Variants in RUNDC3B observed in about 807,000 individuals in gnomAD.
RUNDC3B encodes RUN domain-containing protein 3B.
In RUNDC3B, 33 loss-of-function variants were observed where a neutral mutation model predicts 58.4. That is an observed-to-expected ratio of 0.56 (90% CI 0.43 to 0.75). The LOEUF (loss-of-function observed/expected upper bound fraction) is 0.75, where lower values mean the gene tolerates loss of function less well. Ranked by LOEUF, RUNDC3B falls within the 30% of genes least tolerant of loss-of-function variation. The pLI, the probability that RUNDC3B is intolerant of heterozygous loss-of-function variation, is 0.00. For missense variants in RUNDC3B, 501 were observed against 535.7 expected (o/e 0.94, Z 0.64); for synonymous variants, 193 against 195.2 (o/e 0.99, Z 0.10).
chr7:87,823,468 A>C (rs1328585267), intron 10 of RUNDC3B, among the ~76,000 whole-genome samples: 1 of 151,818 alleles, frequency 6.6e-6, no homozygotes, highest in Non-Finnish European at 1.5e-5. Context: ...ATGTTTGGTT[A>C]CATGAGTAAG....
At chr7:87,783,329 C>T (rs1419722274) in intron 8 of RUNDC3B, among the ~76,000 whole-genome samples, 1 of 152,056 alleles carries the variant, frequency 6.6e-6, no homozygotes, top group Non-Finnish European at 1.5e-5. Flanking sequence ...GGACCCCCTG[C>T]TCTTTTTTGT....
At chr7:87,813,967 C>G (rs1248998479) in intron 9 of RUNDC3B, among the ~76,000 whole-genome samples, 1 of 146,752 alleles carries the variant, frequency 6.8e-6, no homozygotes, top group Non-Finnish European at 1.5e-5. Context: ...GGCGACAGAG[C>G]GAGACTCCGT....
rs138563219 is a variant in RUNDC3B, at chr7:87,807,867, A to G, written c.1103+348A>G. Among the ~76,000 whole-genome samples, 1,432 of 152,238 alleles carry G rather than the reference A, an allele frequency of 9.4e-3. 16 individuals carry two copies. Among genetic ancestry groups the G allele is most frequent in the East Asian group, 0.025 (131 of 5,178 alleles). On this transcript the variant is annotated intron_variant, in intron 9 of 10. Transcript: ENST00000394654. ...ACACAATTTGAAGGAATAGAAAGAT[A>G]TTTACTTGTTCCTGGTGGTTCTGAA...
Position 87,807,408 on chromosome 7 carries a change from A to G in RUNDC3B, c.992A>G (p.Gln331Arg), listed in dbSNP as rs1296822519. Reference sequence around the variant, plus strand: ...AAGAATAATGATTTAAGATCGAGACAAGAGTTAACTGCCCATCTCACCAAC... The same window carrying G: ...AAGAATAATGATTTAAGATCGAGACGAGAGTTAACTGCCCATCTCACCAAC... The part of the protein sequence containing the change: ...VLKNNDLRSR[Q>R]ELTAHLTNQW... The change falls in exon 9 of 11, where the codon CAA becomes CGA. Residue 331 changes from glutamine (Q) to arginine (R), a missense_variant. Gln to Arg is a conservative substitution (Grantham distance 43). Transcript: ENST00000394654. The G allele has an allele frequency of 3.1e-6, 5 of 1,613,658 alleles. No homozygotes were observed. The highest frequency in any genetic ancestry group is 4.5e-5 in the East Asian group (2 of 44,876).
intron 4 of RUNDC3B, among the ~76,000 whole-genome samples, chr7:87,729,656 A>T (rs745636686): frequency 2.0e-5 from 3 of 152,150 alleles, no homozygotes; most frequent in Non-Finnish European, 4.4e-5. Context: ...GGCCAAAGAG[A>T]CTTCAATTCC....
intron 8 of RUNDC3B, among the ~76,000 whole-genome samples, chr7:87,800,350 T>C (rs899908769): frequency 1.3e-5 from 2 of 152,222 alleles, no homozygotes; most frequent in Non-Finnish European, 2.9e-5. Context: ...TATGGATTTC[T>C]AGATCTTTTA....
In RUNDC3B at chr7:87,722,958, G is replaced by A. The variant is rs552185772; in HGVS notation, c.458+12303G>A. 8.5e-5 allele frequency among the ~76,000 whole-genome samples: 13 copies of A among 152,204 alleles called. No individual in the cohort carries two copies. In the East Asian group the frequency reaches 2.5e-3, roughly 29 times the overall value. On this transcript the variant is annotated intron_variant, in intron 4 of 10. Transcript: ENST00000394654. ...CAAACAAACGCATCTTACACTGCAA[G>A]CTTTTCTCAAGAACGTGAAGTTGTA...
chr7:87,700,335 T>C (rs2130691715), intron 2 of RUNDC3B, 86 bp from the exon 3 acceptor site: 2 of 1,201,374 alleles, frequency 1.7e-6, no homozygotes, highest in East Asian at 2.6e-5. Context: ...ATTACCTTTA[T>C]TTTTCAGAAT....
At chr7:87,655,823 T>C (rs1003008979) in intron 2 of RUNDC3B, among the ~76,000 whole-genome samples, 1 of 152,118 alleles carries the variant, frequency 6.6e-6, no homozygotes, top group African/African-American at 2.4e-5. Flanking sequence ...GTGGGGCTTT[T>C]TGGGAGGTGT....
At position 87,777,864 on chromosome 7, in the gene RUNDC3B, A is replaced by T. The variant is rs541897122; in HGVS notation, c.865A>T (p.Ile289Leu). 47 of 1,613,564 alleles carry T rather than the reference A, an allele frequency of 2.9e-5. No homozygotes were observed. The East Asian group carries it at 9.8e-4, about 34-fold the overall frequency. Residue 289 changes from isoleucine to leucine, a missense_variant, in exon 8 of 11, where the codon ATA becomes TTA. By Grantham distance (5) the Ile-to-Leu change is conservative (BLOSUM62 2). Coordinates refer to ENST00000394654, the MANE Select transcript of RUNDC3B (RefSeq NM_001134405.2). Reference sequence around the variant, plus strand: ...ATCTGAATCTGTCTCCCAGAATAAAATACTACTTCAAAGGATTGAAGATTC... The same window carrying T: ...ATCTGAATCTGTCTCCCAGAATAAATTACTACTTCAAAGGATTGAAGATTC... ...QLSESVSQNKILLQRIEDSDL... is the reference protein window; with the variant it reads ...QLSESVSQNKLLLQRIEDSDL...
At chr7:87,676,703 C>CA (rs57480483) in intron 2 of RUNDC3B, among the ~76,000 whole-genome samples, 1,633 of 45,252 alleles carry the variant, frequency 0.036, 90 homozygotes, top group African/African-American at 0.057. Context: ...GACCCTGTCT[C>CA]AAAAAAAAAA....
At chr7:87,650,146 T>C (rs1823436075) in intron 1 of RUNDC3B, among the ~76,000 whole-genome samples, 1 of 151,886 alleles carries the variant, frequency 6.6e-6, no homozygotes, top group Admixed American at 6.6e-5. Context: ...AGCTCAAATT[T>C]CTTACAAGTA....
chr7:87,731,980 G>A (rs1371343264), intron 4 of RUNDC3B, among the ~76,000 whole-genome samples: 3 of 152,120 alleles, frequency 2.0e-5, no homozygotes, highest in Non-Finnish European at 2.9e-5. Flanking sequence ...CTTCTCCTCA[G>A]CCCATGGATC....
intron 8 of RUNDC3B, among the ~76,000 whole-genome samples, chr7:87,779,912 C>T (rs1418943332): frequency 6.6e-6 from 1 of 152,084 alleles, no homozygotes; most frequent in South Asian, 2.1e-4. Context: ...CATTAATTCA[C>T]TTAGGATAAT....
chr7:87,828,023 TACAA>T (rs1837922666), intron 10 of RUNDC3B, among the ~76,000 whole-genome samples: 1 of 152,132 alleles, frequency 6.6e-6, no homozygotes, highest in African/African-American at 2.4e-5. Flanking sequence ...AGTAAAATAT[TACAA>T]ACAGTATTCT....
intron 8 of RUNDC3B, among the ~76,000 whole-genome samples, chr7:87,778,868 TAAAA>T (rs965508633): frequency 1.3e-5 from 2 of 152,080 alleles, no homozygotes; most frequent in African/African-American, 2.4e-5. Context: ...TATTTAATCT[TAAAA>T]AAATAATTTA....
At chr7:87,829,228 CAG>C (rs1838002539) in intron 10 of RUNDC3B, among the ~76,000 whole-genome samples, 1 of 152,042 alleles carries the variant, frequency 6.6e-6, no homozygotes, top group Non-Finnish European at 1.5e-5. Flanking sequence ...TTGTTGGATG[CAG>C]AGTTTACAAA....
intron 1 of RUNDC3B, among the ~76,000 whole-genome samples, chr7:87,632,034 C>CA (rs1228617552): frequency 2.0e-5 from 3 of 150,200 alleles, no homozygotes; most frequent in African/African-American, 7.4e-5. Context: ...TCTCTATAAA[C>CA]AAAAATATTT....
At chr7:87,814,521 T>G (rs541368394) in intron 9 of RUNDC3B, among the ~76,000 whole-genome samples, 1 of 152,340 alleles carries the variant, frequency 6.6e-6, no homozygotes, top group East Asian at 1.9e-4. Flanking sequence ...CTAATCTCTT[T>G]GTGACCCAGT....
Sources: gnomAD v4.1 joint callset for allele counts (sites outside exome capture counted in the v4.1 genomes callset) on GRCh38, gnomAD v4.1.1 for gene constraint, MANE v1.5 for transcripts, NCBI Gene and HGNC (gene_info 2026-07-23, HGNC 2026-07-21) for gene names.